The following FLT3 variants were observed in gnomAD, a reference collection of about 807,000 sequenced individuals.
FLT3 encodes fms related receptor tyrosine kinase 3.
FLT3 carries 46 observed loss-of-function variants against 126.6 expected under a neutral mutation model. The ratio of observed to expected loss-of-function variants is 0.36; its 90% CI spans 0.29 to 0.46. The LOEUF is 0.46. FLT3 is among the 20% of genes least tolerant of loss of function. FLT3 has a pLI of 1.00. For missense variants in FLT3, 1,069 were observed against 1,190.3 expected, an observed-to-expected ratio of 0.90 and a Z score of 1.50; for synonymous variants, 404 against 434.4, an observed-to-expected ratio of 0.93 and a Z score of 0.87.
chr13:28,084,272 C>T (rs994628439), intron 1 of FLT3, among the ~76,000 whole-genome samples: 7 of 151,966 alleles, frequency 4.6e-5, no homozygotes, highest in Non-Finnish European at 1.0e-4. Flanking sequence ...GGATTACATG[C>T]GCAAGCTACT....
At chr13:28,049,577 A>G (rs1230514753) in intron 7 of FLT3, 40 bp from the exon 8 acceptor site, 3 of 1,612,720 alleles carry the variant, frequency 1.9e-6, no homozygotes, top group Admixed American at 1.7e-5. Context: ...TAATGTTTTC[A>G]ATCCAGACTA....
chr13:28,082,959 GC>G (rs1878433621), intron 1 of FLT3, among the ~76,000 whole-genome samples: 3 of 151,486 alleles, frequency 2.0e-5, no homozygotes, highest in Admixed American at 2.0e-4. Flanking sequence ...GCCCACTTTG[GC>G]CTCCCAAAGT....
intron 15 of FLT3, among the ~76,000 whole-genome samples, chr13:28,032,154 A>AG (rs1873401067): frequency 6.6e-6 from 1 of 152,232 alleles, no homozygotes; most frequent in South Asian, 2.1e-4. Context: ...ATTCATTACC[A>AG]GTCACAGAGA....
intron 12 of FLT3, 126 bp downstream of exon 12, chr13:28,035,369 G>A: frequency 1.1e-6 from 1 of 880,966 alleles, no homozygotes; most frequent in Non-Finnish European, 1.7e-6. Context: ...CCTGACTCAA[G>A]AAACCTTTTC....
intron 9 of FLT3, among the ~76,000 whole-genome samples, chr13:28,042,926 T>C (rs1202846928): frequency 1.3e-5 from 2 of 151,258 alleles, no homozygotes; most frequent in African/African-American, 4.9e-5. Context: ...TCTTCTGCAA[T>C]TGTGTGTCAC....
intron 1 of FLT3, among the ~76,000 whole-genome samples, chr13:28,082,588 C>T (rs1381838218): frequency 6.6e-6 from 1 of 151,860 alleles, no homozygotes; most frequent in East Asian, 1.9e-4. Flanking sequence ...CTCCACCTCC[C>T]ATGCTCAAGG....
chr13:28,038,394 A>G (rs1593246404), intron 9 of FLT3, among the ~76,000 whole-genome samples: 1 of 152,292 alleles, frequency 6.6e-6, no homozygotes, highest in South Asian at 2.1e-4. Flanking sequence ...AAACAGAAAA[A>G]GAAATCTAAG....
At chr13:28,034,551 C>A in intron 12 of FLT3, 144 bp from the exon 13 acceptor site, 1 of 638,040 alleles carries the variant, frequency 1.6e-6, no homozygotes, top group Non-Finnish European at 2.8e-6. Context: ...ATACTCTACT[C>A]CCCACAGACA....
At chr13:28,032,864 A>T (rs1482820575) in intron 15 of FLT3, among the ~76,000 whole-genome samples, 4 of 152,326 alleles carry the variant, frequency 2.6e-5, no homozygotes, top group African/African-American at 7.2e-5. Context: ...AAAAATATCC[A>T]TTAGGCTTGG....
intron 1 of FLT3, among the ~76,000 whole-genome samples, chr13:28,089,440 A>C (rs1336614029): frequency 6.6e-6 from 1 of 151,242 alleles, no homozygotes; most frequent in Non-Finnish European, 1.5e-5. Flanking sequence ...CATCATTGCC[A>C]AAAACTGGAA....
chr13:28,043,497 AGGG>A (rs1874570256), intron 9 of FLT3, among the ~76,000 whole-genome samples: 1 of 152,204 alleles, frequency 6.6e-6, no homozygotes, highest in Admixed American at 6.5e-5. Context: ...GTGTTATTAC[AGGG>A]GCCTTTCAGT....
intron 3 of FLT3, among the ~76,000 whole-genome samples, chr13:28,058,270 T>C (rs951239800): frequency 1.9e-4 from 28 of 146,810 alleles, no homozygotes; most frequent in African/African-American, 6.6e-4. Flanking sequence ...ATCCCAGCAC[T>C]TTGGGAGGCT....
intron 1 of FLT3, among the ~76,000 whole-genome samples, chr13:28,076,895 T>C (rs113432071): frequency 0.041 from 6,251 of 150,880 alleles, 428 homozygotes; most frequent in African/African-American, 0.14. Flanking sequence ...GCCACTGCAC[T>C]TCAGCTTGGA....
At chr13:28,093,725 AGTCTGG>A (rs1316010199) in intron 1 of FLT3, among the ~76,000 whole-genome samples, 36 of 152,202 alleles carry the variant, frequency 2.4e-4, no homozygotes, top group Non-Finnish European at 4.4e-5. Flanking sequence ...TTACCTTCTC[AGTCTGG>A]GTTAGAGGTT....
At chr13:28,021,527 G>A (rs193115620) in intron 19 of FLT3, among the ~76,000 whole-genome samples, 1 of 152,204 alleles carries the variant, frequency 6.6e-6, no homozygotes, top group East Asian at 1.9e-4. Flanking sequence ...AATGTGCCTC[G>A]CAGTTCAGAG....
intron 1 of FLT3, among the ~76,000 whole-genome samples, chr13:28,099,260 T>C (rs1477848816): frequency 1.3e-5 from 2 of 152,188 alleles, no homozygotes; most frequent in Non-Finnish European, 2.9e-5. Context: ...TCATACATAA[T>C]AGAAAGCTAA....
chr13:28,015,440 C>A (rs1871755023), intron 21 of FLT3, 150 bp downstream of exon 21: 1 of 678,516 alleles, frequency 1.5e-6, no homozygotes, highest in Admixed American at 2.7e-5. Flanking sequence ...GTGAGGAAGA[C>A]AGGCTAAAGG....
chr13:28,051,849 A>G (rs61944746), intron 5 of FLT3, among the ~76,000 whole-genome samples: 23,130 of 149,988 alleles, frequency 0.15, 2,123 homozygotes, highest in Middle Eastern at 0.26. Context: ...CCCAGCCTAG[A>G]ATTTCTTACT....
intron 15 of FLT3, among the ~76,000 whole-genome samples, chr13:28,029,574 GA>G (rs566080911): frequency 1.2e-3 from 184 of 152,238 alleles, no homozygotes; most frequent in African/African-American, 4.2e-3. Context: ...TAACAGAAGG[GA>G]GAAACGTCCT....
Sources: allele counts gnomAD v4.1 joint callset (sites outside exome capture counted in the v4.1 genomes callset), GRCh38; gene constraint gnomAD v4.1.1; transcripts MANE v1.5; gene names NCBI Gene and HGNC (gene_info 2026-07-23, HGNC 2026-07-21).